Variants in PRPF3 observed in about 807,000 individuals in gnomAD.
PRPF3 encodes the protein pre-mRNA processing factor 3.
In PRPF3, 3 loss-of-function variants were observed where a neutral mutation model predicts 89.2. The observed-to-expected ratio is 0.03, with a 90% confidence interval of 0.02 to 0.09. The LOEUF (loss-of-function observed/expected upper bound fraction) is 0.09. Ranked by LOEUF, PRPF3 falls within the 10% of genes least tolerant of loss-of-function variation. The pLI is 1.00. For synonymous variants in PRPF3, 270 were observed against 289.1 expected (o/e 0.93, Z 0.67); for missense variants, 463 against 828.8 (o/e 0.56, Z 5.42).
chr1:150,339,971 C>T (rs1657517465), intron 8 of PRPF3, among the ~76,000 whole-genome samples: 1 of 152,152 alleles, frequency 6.6e-6, no homozygotes, highest in African/African-American at 2.4e-5. Flanking sequence ...ATCCACCTGC[C>T]TTCATCTCCC....
Position 150,345,360 on chromosome 1 carries a change from T to C in PRPF3, c.1641-658T>C, listed in dbSNP as rs186850871. Among the ~76,000 whole-genome samples, 430 of 152,098 alleles carry C rather than the reference T, an allele frequency of 2.8e-3. 2 individuals carry two copies. The highest frequency in any genetic ancestry group is 0.021 in the Middle Eastern group (6 of 292). On this transcript the variant is annotated intron_variant, in intron 12 of 15. Coordinates refer to ENST00000324862, the MANE Select transcript of PRPF3 (RefSeq NM_004698.4). ...TATATATATTTTATTTATTTATTTA[T>C]TTATTTTGAGACGGAGTTTCAGTCT... is the stretch of plus-strand genomic sequence containing the variant.
At chr1:150,342,161 C>G (rs1657815322) in intron 9 of PRPF3, among the ~76,000 whole-genome samples, 1 of 151,780 alleles carries the variant, frequency 6.6e-6, no homozygotes, top group Non-Finnish European at 1.5e-5. Context: ...GCGGGCAGAT[C>G]ACGAGGTCAA....
chr1:150,336,614 AGCGTG>A (rs1396293728), intron 7 of PRPF3, among the ~76,000 whole-genome samples: 1 of 151,760 alleles, frequency 6.6e-6, no homozygotes, highest in Non-Finnish European at 1.5e-5. Flanking sequence ...AAATTAACCG[AGCGTG>A]GTGGTGGGTG....
At chr1:150,340,237 G>A (rs587629268) in intron 8 of PRPF3, among the ~76,000 whole-genome samples, 161 bp from the exon 9 acceptor site, 1 of 152,258 alleles carries the variant, frequency 6.6e-6, no homozygotes, top group South Asian at 2.1e-4. Flanking sequence ...AAAATTATGT[G>A]TAATTTAACT....
chr1:150,332,894 A>G, intron 5 of PRPF3, 85 bp from the exon 6 acceptor site: 1 of 1,492,412 alleles, frequency 6.7e-7, no homozygotes, highest in Non-Finnish European at 9.3e-7. Flanking sequence ...ACAGTCTACC[A>G]TGATGTGTGT....
Position 150,332,738 on chromosome 1 carries a change from C to T in PRPF3, c.478C>T (p.Leu160=). 1.2e-6 allele frequency: 2 copies of T among 1,614,150 alleles called. No individual in the cohort carries two copies. Among genetic ancestry groups the T allele is most frequent in the Non-Finnish European group, 1.7e-6 (2 of 1,180,020 alleles). ...TRQIEERKKQ[L]SFISPPTPQP... ...ACAAATCGAGGAGAGGAAAAAACAG[C>T]TGAGCTTCATTAGCCCCCCTACACC... Residue 160 remains leucine (L), a synonymous_variant, in exon 5 of 16, where the codon CTG becomes TTG. Coordinates refer to ENST00000324862, the MANE Select transcript of PRPF3 (RefSeq NM_004698.4).
intron 8 of PRPF3, 139 bp from the exon 9 acceptor site, chr1:150,340,259 G>GCTAAAA: frequency 1.5e-6 from 1 of 674,836 alleles, no homozygotes; most frequent in South Asian, 1.6e-5. Context: ...TATATTTTAG[G>GCTAAAA]TACCTAAATG....
At chr1:150,350,115 T>C (rs2794680) in intron 15 of PRPF3, among the ~76,000 whole-genome samples, 89,277 of 151,576 alleles carry the variant, frequency 0.59, 26,737 homozygotes, top group African/African-American at 0.62. Context: ...AGGCTGGTCT[T>C]GAACTCCCAA....
At chr1:150,325,428 AG>A (rs1270695879) in intron 2 of PRPF3, among the ~76,000 whole-genome samples, 30 of 152,160 alleles carry the variant, frequency 2.0e-4, no homozygotes, top group Non-Finnish European at 4.3e-4. Flanking sequence ...TACATGAAAA[AG>A]CTTGAAGGAG....
chr1:150,339,933 A>T (rs992411562), intron 8 of PRPF3, among the ~76,000 whole-genome samples: 29 of 149,956 alleles, frequency 1.9e-4, no homozygotes, highest in African/African-American at 7.1e-4. Context: ...ATTTGGCCAA[A>T]CTGGTCTCAA....
chr1:150,345,765 C>A, intron 12 of PRPF3: 1 of 486,850 alleles, frequency 2.1e-6, no homozygotes, highest in Non-Finnish European at 3.7e-6. Flanking sequence ...ATACCTCTCC[C>A]TGACTCTTAG....
At chr1:150,322,393 A>T (rs1572174589) in intron 1 of PRPF3, among the ~76,000 whole-genome samples, 1 of 152,224 alleles carries the variant, frequency 6.6e-6, no homozygotes, top group African/African-American at 2.4e-5. Flanking sequence ...GCTCCAAAGA[A>T]TTACTTAACT....
In PRPF3 at chr1:150,325,640, A is replaced by G. The variant is rs1655626372; in HGVS notation, c.146-111A>G. ...ATGGGAATCCTACAAAAAACTTAAA[A>G]TTTGTTTCACTCCTGGGAATAAAAT... On this transcript the variant is annotated intron_variant, in intron 2 of 15. Transcript: ENST00000324862. The G allele has an allele frequency of 4.9e-6, 7 of 1,428,350 alleles. No individual in the cohort carries two copies. The East Asian group carries it at 1.7e-4, about 34-fold the overall frequency. 88.5% of individuals were successfully genotyped at this position (1,428,350 alleles called of 1,614,324 possible).
intron 7 of PRPF3, among the ~76,000 whole-genome samples, chr1:150,337,915 A>G (rs1657229119): frequency 6.6e-6 from 1 of 152,042 alleles, no homozygotes; most frequent in Non-Finnish European, 1.5e-5. Flanking sequence ...TCTCTACTAA[A>G]AATACAAAAT....
At chr1:150,326,877 A>AG (rs1655778899) in intron 3 of PRPF3, among the ~76,000 whole-genome samples, 1 of 152,120 alleles carries the variant, frequency 6.6e-6, no homozygotes, top group African/African-American at 2.4e-5. Flanking sequence ...TAGAAGAGGC[A>AG]GGGGTATCAC....
intron 14 of PRPF3, among the ~76,000 whole-genome samples, chr1:150,347,621 G>C (rs920248516): frequency 6.6e-6 from 1 of 151,872 alleles, no homozygotes; most frequent in Non-Finnish European, 1.5e-5. Context: ...CCAGCTACTC[G>C]GGAGGCTGAG....
intron 15 of PRPF3, among the ~76,000 whole-genome samples, chr1:150,349,916 C>T (rs1658736074): frequency 6.7e-6 from 1 of 149,904 alleles, no homozygotes; most frequent in African/African-American, 2.4e-5. Flanking sequence ...TATGGAGTTT[C>T]GCTCTTGTTG....
chr1:150,344,776 C>A (rs782547165), intron 12 of PRPF3, among the ~76,000 whole-genome samples: 1 of 151,108 alleles, frequency 6.6e-6, no homozygotes, highest in South Asian at 2.1e-4. Flanking sequence ...TTTTTTTTTA[C>A]CAGAATATTA....
Position 150,337,489 on chromosome 1 carries a change from C to T in PRPF3, c.1036-671C>T, listed in dbSNP as rs188052067. ...GCTTTCAGAAATTATGAACTTGTTG[C>T]GTTAGGTGTAAAGAGTTCAACGGGG... On this transcript the variant is annotated intron_variant, in intron 7 of 15. Transcript: ENST00000324862. Among the ~76,000 whole-genome samples the T allele has an allele frequency of 1.0e-3, 152 of 151,986 alleles. 5 individuals carry two copies. Among genetic ancestry groups the T allele is most frequent in the Admixed American group, 9.5e-3 (145 of 15,232 alleles).
Sources: allele counts gnomAD v4.1 joint callset (sites outside exome capture counted in the v4.1 genomes callset), GRCh38; gene constraint gnomAD v4.1.1; transcripts MANE v1.5; gene names NCBI Gene and HGNC (gene_info 2026-07-23, HGNC 2026-07-21).